The following CD200R1L variants were observed in gnomAD, a reference collection of about 807,000 sequenced individuals.
CD200R1L encodes the protein CD200 receptor 1 like.
Under a neutral mutation model 24.8 loss-of-function variants are expected in CD200R1L, and 14 were observed. The ratio of observed to expected loss-of-function variants is 0.56; its 90% CI spans 0.37 to 0.88. The LOEUF (loss-of-function observed/expected upper bound fraction) is 0.88. Ranked by LOEUF, CD200R1L falls within the 40% of genes least tolerant of loss-of-function variation. CD200R1L has a pLI of 0.00. For missense variants in CD200R1L, 299 were observed against 297.8 expected (o/e 1.00, Z -0.03); for synonymous variants, 111 against 109.2 (o/e 1.02, Z -0.11).
At chr3:112,822,470 T>C (rs1938557787) in intron 6 of CD200R1L, among the ~76,000 whole-genome samples, 1 of 152,060 alleles carries the variant, frequency 6.6e-6, no homozygotes, top group Non-Finnish European at 1.5e-5. Context: ...ATCATACCTA[T>C]GTAATAGAGC....
rs368176917 is a variant in CD200R1L at position 112,827,368 on chromosome 3, T to C, written c.366A>G (p.Leu122=). The C allele has an allele frequency of 6.2e-6, 10 of 1,612,508 alleles. No homozygotes were observed. Among genetic ancestry groups the C allele is most frequent in the Admixed American group, 1.7e-5 (1 of 59,922 alleles). ...NFHRGYHLQV[L]VTPEVNLFQS... The stretch of plus-strand genomic sequence containing the variant: ...ACCTCAGTATGTGATGCTCCTTACC[T>C]AACACTTGGAGGTGATATCCACGAT... Residue 122 remains leucine (L), a splice_region_variant and synonymous_variant, in exon 5 of 8, where the codon TTA becomes TTG. Transcript: ENST00000488794.
intron 3 of CD200R1L, among the ~76,000 whole-genome samples, chr3:112,834,123 A>T (rs1439539858): frequency 6.6e-6 from 1 of 151,930 alleles, no homozygotes; most frequent in East Asian, 1.9e-4. Flanking sequence ...TCTTATGAGG[A>T]TGGGACACCA....
intron 3 of CD200R1L, among the ~76,000 whole-genome samples, chr3:112,829,788 T>C (rs534701679): frequency 2.0e-5 from 3 of 152,312 alleles, no homozygotes; most frequent in African/African-American, 7.2e-5. Flanking sequence ...CTCTGCACAT[T>C]TTTTTTCCTT....
chr3:112,844,560 A>G (rs1047136012), intron 2 of CD200R1L, among the ~76,000 whole-genome samples: 1 of 152,222 alleles, frequency 6.6e-6, no homozygotes, highest in Admixed American at 6.5e-5. Flanking sequence ...TTAAGAGAAA[A>G]GTTTATAGTG....
chr3:112,838,489 C>CAA (rs369499771), intron 2 of CD200R1L, among the ~76,000 whole-genome samples: 17,454 of 136,944 alleles, frequency 0.13, 1,524 homozygotes, highest in African/African-American at 0.27. Context: ...AACAAACAAA[C>CAA]AAAAAAAAAC....
At chr3:112,838,634 G>A (rs941403909) in intron 2 of CD200R1L, among the ~76,000 whole-genome samples, 3 of 151,888 alleles carry the variant, frequency 2.0e-5, no homozygotes, top group African/African-American at 4.8e-5. Context: ...TTTATTTTAC[G>A]GCTCATTTAA....
At chr3:112,827,917 A>G (rs1458532955) in intron 4 of CD200R1L, among the ~76,000 whole-genome samples, 3 of 152,212 alleles carry the variant, frequency 2.0e-5, no homozygotes, top group Non-Finnish European at 4.4e-5. Flanking sequence ...TTAGAAAAAC[A>G]ATATACATAA....
At position 112,827,459 on chromosome 3, in the gene CD200R1L, C is replaced by T. The variant is rs4682119; in HGVS notation, c.275G>A (p.Arg92His). The change falls in exon 5 of 8, where the codon CGT becomes CAT. Residue 92 changes from arginine to histidine, a missense_variant. Coordinates refer to ENST00000488794, the MANE Select transcript of CD200R1L (RefSeq NM_001199215.3). Reference sequence around the variant, plus strand: ...CCCGTCATGAGTGGTGTCCACCGGACGAATCTGAAGGTCCGAATTCTGATC... The same window carrying T: ...CCCGTCATGAGTGGTGTCCACCGGATGAATCTGAAGGTCCGAATTCTGATC... The part of the protein sequence containing the change: ...RPDQNSDLQI[R>H]PVDTTHDGYY... 14 of 1,613,972 alleles carry T rather than the reference C, an allele frequency of 8.7e-6. No homozygotes were observed. In the East Asian group the frequency reaches 1.1e-4, roughly 13 times the overall value.
At chr3:112,826,360 G>T (rs964297002) in intron 6 of CD200R1L, among the ~76,000 whole-genome samples, 1 of 152,036 alleles carries the variant, frequency 6.6e-6, no homozygotes, top group Non-Finnish European at 1.5e-5. Context: ...CTATTAGGTA[G>T]ATCCTATTAT....
In CD200R1L at chr3:112,827,036, G is replaced by A. The variant is rs370495132; in HGVS notation, c.573C>T (p.Ser191=). 7.4e-6 allele frequency: 12 copies of A among 1,611,798 alleles called. No individual in the cohort carries two copies. In the African/African-American group the frequency reaches 1.2e-4, roughly 16 times the overall value. ...GHKSTVTCHV[S]HLTGNKSLSV... is the part of the protein sequence containing the mutation. ...ACAGACTCTTGTTGCCAGTCAAATG[G>A]GAGACATGGCAGGTCACAGTAGACT... Residue 191 remains serine (S), a synonymous_variant, in exon 6 of 8, where the codon TCC becomes TCT. Coordinates refer to ENST00000488794, the MANE Select transcript of CD200R1L (RefSeq NM_001199215.3).
chr3:112,827,071 C>T lies in CD200R1L; in HGVS notation c.538G>A (p.Glu180Lys), dbSNP rs2107337614. Residue 180 changes from glutamate to lysine, a missense_variant, in exon 6 of 8, where the codon GAG (glutamate) becomes AAG (lysine). Glu to Lys is a moderately conservative substitution (Grantham distance 56). Coordinates refer to ENST00000488794, the MANE Select transcript of CD200R1L (RefSeq NM_001199215.3). ...CAGGTCACAGTAGACTTGTGGCCCT[C>T]CCAGGGGCATGTACTCTTAACCGTC... ...TVTVKSTCPWEGHKSTVTCHV... is the reference protein window; with the variant it reads ...TVTVKSTCPWKGHKSTVTCHV... 2 of 1,613,292 alleles carry T rather than the reference C, an allele frequency of 1.2e-6. No homozygotes were observed. Among genetic ancestry groups the T allele is most frequent in the Non-Finnish European group, 1.7e-6 (2 of 1,179,988 alleles).
intron 3 of CD200R1L, among the ~76,000 whole-genome samples, chr3:112,832,200 C>T (rs917693220): frequency 3.9e-5 from 6 of 152,150 alleles, no homozygotes; most frequent in Non-Finnish European, 8.8e-5. Context: ...GAATACTAAT[C>T]TGAATTGATC....
chr3:112,818,128 T>C (rs1366478723), intron 7 of CD200R1L, among the ~76,000 whole-genome samples: 2 of 152,210 alleles, frequency 1.3e-5, no homozygotes, highest in Non-Finnish European at 1.5e-5. Context: ...GAGATTTTTG[T>C]GGGGACACAG....
chr3:112,840,666 T>C lies in CD200R1L; in HGVS notation c.-86-2656A>G, dbSNP rs142569971. Among the ~76,000 whole-genome samples, 527 of 152,202 alleles carry C rather than the reference T, an allele frequency of 3.5e-3. 19 individuals are homozygous for C. The East Asian group carries it at 0.067, about 19-fold the overall frequency. ...GGACCAAATTGTGGTCTACACTAAA[T>C]AAAAATAAAATATCAGAACTGCTTC... On this transcript the variant is annotated intron_variant, in intron 2 of 7. Coordinates refer to ENST00000488794, the MANE Select transcript of CD200R1L (RefSeq NM_001199215.3).
At chr3:112,832,402 C>A (rs1938822495) in intron 3 of CD200R1L, among the ~76,000 whole-genome samples, 2 of 152,260 alleles carry the variant, frequency 1.3e-5, no homozygotes, top group South Asian at 4.2e-4. Flanking sequence ...AGCTTGCAGA[C>A]CATCTTGTTG....
At chr3:112,828,393 TA>T (rs200851058) in intron 4 of CD200R1L, among the ~76,000 whole-genome samples, 2 of 151,422 alleles carry the variant, frequency 1.3e-5, no homozygotes, top group East Asian at 3.9e-4. Flanking sequence ...CCCATGTAAG[TA>T]AAAAAAAATG....
At position 112,815,801 on chromosome 3, in the gene CD200R1L, C is replaced by A; in HGVS notation, c.*162G>T. 3 of 608,802 alleles carry A rather than the reference C, an allele frequency of 4.9e-6. No individual in the cohort carries two copies. The highest frequency in any genetic ancestry group is 3.2e-5 in the Admixed American group (1 of 31,708). The allele number at this position is 608,802 out of a possible 1,614,324, so 37.7% of individuals were successfully genotyped here. On this transcript the variant is annotated 3_prime_UTR_variant, in exon 8 of 8. Coordinates refer to ENST00000488794, the MANE Select transcript of CD200R1L (RefSeq NM_001199215.3). Reference sequence around the variant, plus strand: ...ATAGGGAAACTTCATGGTCATCAAGCCCAGGATCCTTCTTCCATCTTTCTT... The same window carrying A: ...ATAGGGAAACTTCATGGTCATCAAGACCAGGATCCTTCTTCCATCTTTCTT...
intron 2 of CD200R1L, among the ~76,000 whole-genome samples, chr3:112,841,563 C>T (rs780695894): frequency 6.6e-6 from 1 of 152,194 alleles, no homozygotes; most frequent in Non-Finnish European, 1.5e-5. Context: ...GGTTTGCCAT[C>T]TTTTTCTGAG....
chr3:112,834,076 A>G (rs907928380), intron 3 of CD200R1L, among the ~76,000 whole-genome samples: 3 of 152,140 alleles, frequency 2.0e-5, no homozygotes, highest in African/African-American at 7.2e-5. Flanking sequence ...GCACTGGCAC[A>G]GCCTCTGGAA....
Sources: allele counts gnomAD v4.1 joint callset (sites outside exome capture counted in the v4.1 genomes callset), GRCh38; gene constraint gnomAD v4.1.1; transcripts MANE v1.5; gene names NCBI Gene and HGNC (gene_info 2026-07-23, HGNC 2026-07-21).